The following GSK3B variants were observed in gnomAD, a reference collection of about 807,000 sequenced individuals.
The protein encoded by GSK3B is glycogen synthase kinase 3 beta.
GSK3B carries 15 observed loss-of-function variants against 56.4 expected under a neutral mutation model. The ratio of observed to expected loss-of-function variants is 0.27; its 90% CI spans 0.18 to 0.41. The LOEUF (loss-of-function observed/expected upper bound fraction) is 0.41. GSK3B is among the 10% of genes least tolerant of loss of function. The pLI is 1.00. For missense variants in GSK3B, 300 were observed against 513.4 expected (o/e 0.58, Z 4.02); for synonymous variants, 181 against 188.9 (o/e 0.96, Z 0.34).
At chr3:119,967,840 C>T (rs1047459041) in intron 2 of GSK3B, among the ~76,000 whole-genome samples, 3 of 81,132 alleles carry the variant, frequency 3.7e-5, no homozygotes, top group South Asian at 3.6e-4. Flanking sequence ...CTCTTTCTCT[C>T]TCTCTCTCTC....
chr3:119,925,980 C>G (rs993125502), intron 3 of GSK3B, among the ~76,000 whole-genome samples: 1 of 152,144 alleles, frequency 6.6e-6, no homozygotes, highest in East Asian at 1.9e-4. Context: ...GCACCTTCTT[C>G]ACTTCATAGG....
intron 9 of GSK3B, among the ~76,000 whole-genome samples, chr3:119,851,315 A>C (rs1036746378): frequency 2.6e-5 from 4 of 152,232 alleles, no homozygotes; most frequent in African/African-American, 9.6e-5. Context: ...AATATGCCTG[A>C]TAAAGCAGTC....
chr3:119,862,673 T>G (rs1392638750), intron 9 of GSK3B, among the ~76,000 whole-genome samples: 2 of 147,572 alleles, frequency 1.4e-5, no homozygotes, highest in African/African-American at 2.5e-5. Context: ...TCTTGTTTTT[T>G]TTTTTTTTTT....
In GSK3B at chr3:119,869,784, T is replaced by TA. The variant is rs1349484933; in HGVS notation, c.910-6180dup. On this transcript the variant is annotated intron_variant, in intron 8 of 10. Coordinates refer to ENST00000264235, the MANE Select transcript of GSK3B (RefSeq NM_001146156.2). Reference sequence around the variant, plus strand: ...AGGACCTATTGTGCATAACTTCACTTAAAGTTGCAGTTTCTAAGCACCTAC... The same window carrying TA: ...AGGACCTATTGTGCATAACTTCACTTAAAAGTTGCAGTTTCTAAGCACCTAC... Among the ~76,000 whole-genome samples, 3 of 152,302 alleles carry TA rather than the reference T, an allele frequency of 2.0e-5. No individual in the cohort carries two copies. In the East Asian group the frequency reaches 5.8e-4, roughly 29 times the overall value.
chr3:119,951,762 T>A (rs1332151092), intron 2 of GSK3B, among the ~76,000 whole-genome samples: 1 of 152,158 alleles, frequency 6.6e-6, no homozygotes, highest in African/African-American at 2.4e-5. Context: ...GCAGCTATTA[T>A]AATTTATAAT....
chr3:119,904,227 T>G (rs991247208), intron 7 of GSK3B, among the ~76,000 whole-genome samples: 4 of 152,224 alleles, frequency 2.6e-5, no homozygotes, highest in African/African-American at 9.6e-5. Context: ...CTAAAATATT[T>G]TATCTAGTCC....
intron 8 of GSK3B, among the ~76,000 whole-genome samples, chr3:119,876,005 A>G (rs1044077393): frequency 6.6e-6 from 1 of 152,180 alleles, no homozygotes; most frequent in African/African-American, 2.4e-5. Flanking sequence ...GCCATCTATA[A>G]TAAGATATAT....
intron 1 of GSK3B, among the ~76,000 whole-genome samples, chr3:120,048,969 A>T (rs1451466836): frequency 6.6e-6 from 1 of 152,210 alleles, no homozygotes; most frequent in Non-Finnish European, 1.5e-5. Flanking sequence ...AGTACAGAAA[A>T]GGGAAAAAAT....
intron 7 of GSK3B, 147 bp downstream of exon 7, chr3:119,905,608 T>C (rs1057231926): frequency 6.4e-6 from 4 of 621,238 alleles, no homozygotes; most frequent in South Asian, 2.2e-5. Flanking sequence ...GGCGTTCTTA[T>C]ACCCACTTTA....
intron 1 of GSK3B, among the ~76,000 whole-genome samples, chr3:120,092,872 C>T (rs1254142924): frequency 1.3e-5 from 2 of 152,190 alleles, no homozygotes; most frequent in African/African-American, 4.8e-5. Flanking sequence ...GAGGGTGGGA[C>T]ATTTAACGTC....
intron 9 of GSK3B, among the ~76,000 whole-genome samples, chr3:119,860,614 T>C (rs1376200567): frequency 6.6e-6 from 1 of 152,224 alleles, no homozygotes; most frequent in Non-Finnish European, 1.5e-5. Flanking sequence ...AAAATGCAGT[T>C]AGCTTTATTG....
chr3:119,983,575 C>G (rs929496002), intron 2 of GSK3B, among the ~76,000 whole-genome samples: 11 of 149,836 alleles, frequency 7.3e-5, no homozygotes, highest in African/African-American at 2.7e-4. Context: ...TCTGATAAAA[C>G]AGACTTTAAA....
At chr3:119,950,529 T>A in intron 2 of GSK3B, among the ~76,000 whole-genome samples, 1 of 152,186 alleles carries the variant, frequency 6.6e-6, no homozygotes, top group South Asian at 2.1e-4. Flanking sequence ...TTGGTGACTC[T>A]TACAAGAATG....
chr3:119,873,119 G>T (rs2056268523), intron 8 of GSK3B, among the ~76,000 whole-genome samples: 1 of 152,026 alleles, frequency 6.6e-6, no homozygotes, highest in Non-Finnish European at 1.5e-5. Context: ...AGCCACAAGT[G>T]CTTTATTAAT....
At chr3:120,065,000 A>G (rs1292961648) in intron 1 of GSK3B, among the ~76,000 whole-genome samples, 2 of 152,236 alleles carry the variant, frequency 1.3e-5, no homozygotes, top group African/African-American at 4.8e-5. Context: ...ACCTAAATAT[A>G]TGAAATAAGA....
intron 10 of GSK3B, among the ~76,000 whole-genome samples, chr3:119,837,084 T>C (rs562492706): frequency 7.1e-4 from 108 of 152,336 alleles, no homozygotes; most frequent in African/African-American, 2.4e-3. Flanking sequence ...ATGGTTCTGT[T>C]ATAATTTCAT....
chr3:119,863,261 G>T (rs1348753232), intron 9 of GSK3B, among the ~76,000 whole-genome samples, 158 bp downstream of exon 9: 2 of 152,204 alleles, frequency 1.3e-5, no homozygotes, highest in Non-Finnish European at 2.9e-5. Flanking sequence ...AACCATGTAA[G>T]TAGTGGCCAG....
chr3:120,051,542 G>C (rs930781643), intron 1 of GSK3B, among the ~76,000 whole-genome samples: 4 of 152,158 alleles, frequency 2.6e-5, no homozygotes, highest in African/African-American at 7.2e-5. Flanking sequence ...TGAGGCGGGT[G>C]TATCACCTGA....
chr3:119,893,203 T>A (rs892290519), intron 7 of GSK3B, among the ~76,000 whole-genome samples: 4 of 152,014 alleles, frequency 2.6e-5, no homozygotes, highest in African/African-American at 9.7e-5. Context: ...AGATGAAGCT[T>A]CCTCCTGTTG....
Sources: gnomAD v4.1 joint callset for allele counts (sites outside exome capture counted in the v4.1 genomes callset) on GRCh38, gnomAD v4.1.1 for gene constraint, MANE v1.5 for transcripts, NCBI Gene and HGNC (gene_info 2026-07-23, HGNC 2026-07-21) for gene names.